Variants in MOSPD2 observed in about 807,000 individuals in gnomAD.
MOSPD2 encodes motile sperm domain-containing protein 2.
Under a neutral mutation model 41.7 loss-of-function variants are expected in MOSPD2, and 5 were observed. The observed-to-expected ratio is 0.12, with a 90% CI of 0.06 to 0.25. The LOEUF is 0.25. MOSPD2 is among the 10% of genes least tolerant of loss of function. The pLI is 1.00. For missense variants in MOSPD2, 282 were observed against 375.2 expected, an observed-to-expected ratio of 0.75 and a Z score of 2.05; for synonymous variants, 115 against 126.9, an observed-to-expected ratio of 0.91 and a Z score of 0.63.
At chrX:14,913,174 G>C (rs2092594767) in intron 10 of MOSPD2, among the ~76,000 whole-genome samples, 1 of 111,943 alleles carries the variant, frequency 8.9e-6, no homozygotes, top group African/African-American at 3.2e-5. Flanking sequence ...GTTTTTCATG[G>C]TTTTTCTTTC....
At chrX:14,915,409 T>G (rs1393440661) in intron 11 of MOSPD2, 1 of 118,879 alleles carries the variant, frequency 8.4e-6, no homozygotes, top group Non-Finnish European at 1.7e-5. Context: ...GTTCATTGAT[T>G]ATTCACTGCT....
Position 14,892,723 on chromosome X carries a change from A to G in MOSPD2, c.80A>G (p.Asp27Gly). 1 of 1,192,671 alleles carries G rather than the reference A, an allele frequency of 8.4e-7. No individual in the cohort carries two copies. The highest frequency in any genetic ancestry group is 1.1e-6 in the Non-Finnish European group (1 of 882,445). ...RRRFEAEYVT[D>G]KSDKYDARDV... is the part of the protein sequence containing the mutation. ...ATGTTTATTACTGTTTTTTCCCTAGATAAGTCAGATAAATATGATGCACGT... is the reference window on the plus strand; with the variant it reads ...ATGTTTATTACTGTTTTTTCCCTAGGTAAGTCAGATAAATATGATGCACGT... Residue 27 changes from aspartate to glycine, a missense_variant and splice_region_variant, in exon 3 of 15, where the codon GAT (aspartate) becomes GGT (glycine). By Grantham distance (94) the Asp-to-Gly change is moderately conservative (BLOSUM62 -1). This residue lies in a region of MOSPD2 where 187 missense variants were observed against 256.6 expected (regional missense o/e 0.73). Coordinates refer to ENST00000380492, the MANE Select transcript of MOSPD2 (RefSeq NM_152581.4).
chrX:14,885,657 TAAC>T (rs1289562851), intron 2 of MOSPD2, among the ~76,000 whole-genome samples: 1 of 111,234 alleles, frequency 9.0e-6, no homozygotes, highest in Non-Finnish European at 1.9e-5. Flanking sequence ...AGGCTTATGA[TAAC>T]AACACAAAAT....
At chrX:14,888,836 C>G (rs1260843341) in intron 2 of MOSPD2, among the ~76,000 whole-genome samples, 1 of 109,812 alleles carries the variant, frequency 9.1e-6, no homozygotes, top group Admixed American at 9.8e-5. Flanking sequence ...TTTGGGTGTA[C>G]ATCTTTAGCA....
At position 14,894,791 on chromosome X, in the gene MOSPD2, T is replaced by TA. The variant is rs770704600; in HGVS notation, c.236-514dup. Among the ~76,000 whole-genome samples the TA allele has an allele frequency of 4.5e-5, 5 of 111,215 alleles. No individual in the cohort carries two copies. The South Asian group carries it at 1.9e-3, about 42-fold the overall frequency. ...TATTTTCCACTTTCCTAAAGGTTTT[T>TA]AAATGCATTAAAGTCTACTAGATAA... On this transcript the variant is annotated intron_variant, in intron 3 of 14. Transcript: ENST00000380492.
chrX:14,877,711 C>T (rs1297745376), intron 2 of MOSPD2, among the ~76,000 whole-genome samples: 1 of 105,555 alleles, frequency 9.5e-6, no homozygotes, highest in Non-Finnish European at 2.0e-5. Flanking sequence ...CGGTGGCTCA[C>T]GCCTGTAATC....
intron 13 of MOSPD2, among the ~76,000 whole-genome samples, chrX:14,917,491 C>A (rs2092602465): frequency 9.0e-6 from 1 of 111,491 alleles, no homozygotes; most frequent in Non-Finnish European, 1.9e-5. Context: ...TAAGCAGAGC[C>A]ATGAGGTGAT....
intron 2 of MOSPD2, among the ~76,000 whole-genome samples, chrX:14,876,470 T>C (rs1419057278): frequency 1.8e-5 from 2 of 112,309 alleles, no homozygotes; most frequent in East Asian, 2.8e-4. Flanking sequence ...CATTTTTGTG[T>C]CCATAGAAAC....
At chrX:14,877,562 G>A (rs923542332) in intron 2 of MOSPD2, among the ~76,000 whole-genome samples, 7 of 109,530 alleles carry the variant, frequency 6.4e-5, no homozygotes, top group African/African-American at 9.9e-5. Context: ...GGCTAGTCTC[G>A]AACTCCTGAC....
chrX:14,921,000 G>C lies in MOSPD2; in HGVS notation c.*1191G>C. ...GACCAATTGACTTACTTGATATTCT[G>C]CCTTTGATATGGTAGTACCCACCCG... is the stretch of plus-strand genomic sequence containing the variant. On this transcript the variant is annotated 3_prime_UTR_variant, in exon 15 of 15. Coordinates refer to ENST00000380492, the MANE Select transcript of MOSPD2 (RefSeq NM_152581.4). 5 of 757,533 alleles carry C rather than the reference G, an allele frequency of 6.6e-6. No homozygotes were observed. The highest frequency in any genetic ancestry group is 4.7e-6 in the Non-Finnish European group (3 of 641,434). The allele number at this position is 757,533 out of a possible 1,213,427, so 62.4% of individuals were successfully genotyped here.
At chrX:14,918,491 A>C (rs1000932251) in intron 13 of MOSPD2, among the ~76,000 whole-genome samples, 189 bp from the exon 14 acceptor site, 2 of 112,433 alleles carry the variant, frequency 1.8e-5, no homozygotes, top group Non-Finnish European at 3.8e-5. Flanking sequence ...TTCCTTATAC[A>C]TGCATTAATT....
At chrX:14,884,322 A>C (rs2092537315) in intron 2 of MOSPD2, among the ~76,000 whole-genome samples, 1 of 112,020 alleles carries the variant, frequency 8.9e-6, no homozygotes, top group South Asian at 3.7e-4. Context: ...AAAACAAATA[A>C]TAATAAGAGT....
chrX:14,909,093 TCACAGATA>T, intron 8 of MOSPD2, 109 bp downstream of exon 8: 1 of 639,836 alleles, frequency 1.6e-6, no homozygotes, highest in Non-Finnish European at 2.1e-6. Flanking sequence ...CAAAGAAATA[TCACAGATA>T]CCCCCAAAAT....
intron 14 of MOSPD2, 76 bp downstream of exon 14, chrX:14,918,858 A>T (rs1732067467): frequency 1.5e-6 from 1 of 659,904 alleles, no homozygotes; most frequent in Non-Finnish European, 2.4e-6. Context: ...TTTCTCACGG[A>T]CATAAAGAAA....
At chrX:14,890,857 G>C (rs893541317) in intron 2 of MOSPD2, among the ~76,000 whole-genome samples, 4 of 111,910 alleles carry the variant, frequency 3.6e-5, no homozygotes, top group South Asian at 3.7e-4. Flanking sequence ...AGATGCAGAA[G>C]AAAAGGAAAT....
chrX:14,878,161 A>G (rs1263265334), intron 2 of MOSPD2, among the ~76,000 whole-genome samples: 4 of 111,880 alleles, frequency 3.6e-5, no homozygotes, highest in Non-Finnish European at 7.5e-5. Context: ...GGACATTTAG[A>G]TTCTTTCCAG....
chrX:14,918,724 C>G lies in MOSPD2; in HGVS notation c.1361C>G (p.Thr454Arg), dbSNP rs772206668. Residue 454 changes from threonine to arginine, a missense_variant, in exon 14 of 15, where the codon ACG becomes AGG. Thr to Arg is a moderately conservative substitution (Grantham distance 71). Coordinates refer to ENST00000380492, the MANE Select transcript of MOSPD2 (RefSeq NM_152581.4). ...GAAAGCAGTAAACCAAACACTCTTACGTTAAAAGACAATGCTTTCAATATG... is the reference window on the plus strand; with the variant it reads ...GAAAGCAGTAAACCAAACACTCTTAGGTTAAAAGACAATGCTTTCAATATG... Reference protein sequence around the residue: ...TVESSKPNTLTLKDNAFNMSD... With the variant: ...TVESSKPNTLRLKDNAFNMSD... The G allele has an allele frequency of 1.7e-6, 2 of 1,201,700 alleles. No individual in the cohort carries two copies. Among genetic ancestry groups the G allele is most frequent in the Non-Finnish European group, 2.3e-6 (2 of 887,010 alleles).
At chrX:14,905,135 A>G (rs943032091) in intron 7 of MOSPD2, among the ~76,000 whole-genome samples, 2 of 111,616 alleles carry the variant, frequency 1.8e-5, no homozygotes, top group African/African-American at 3.3e-5. Flanking sequence ...ACCTGAATCT[A>G]TGAAAACCCA....
In MOSPD2 at chrX:14,900,646, T is replaced by A. The variant is rs764468375; in HGVS notation, c.538+11T>A. On this transcript the variant is annotated intron_variant, in intron 6 of 14. Transcript: ENST00000380492. Reference sequence around the variant, plus strand: ...ACCCTAAATACCTCTGTAAGTAACTTACTCCTTTATAAAAAATATAACATA... The same window carrying A: ...ACCCTAAATACCTCTGTAAGTAACTAACTCCTTTATAAAAAATATAACATA... 2 of 933,779 alleles carry A rather than the reference T, an allele frequency of 2.1e-6. No homozygotes were observed. 77.0% of individuals were successfully genotyped at this position (933,779 alleles called of 1,213,427 possible).
Sources: allele counts gnomAD v4.1 joint callset (sites outside exome capture counted in the v4.1 genomes callset), GRCh38; gene constraint gnomAD v4.1.1; regional missense constraint gnomAD v4.1.1; transcripts MANE v1.5; gene names NCBI Gene and HGNC (gene_info 2026-07-23, HGNC 2026-07-21).